The following FOLH1 variants were observed in gnomAD, a reference collection of about 807,000 sequenced individuals.
FOLH1 encodes glutamate carboxypeptidase 2.
Under a neutral mutation model 93.9 loss-of-function variants are expected in FOLH1, and 54 were observed. The observed-to-expected ratio is 0.57, with a 90% CI of 0.46 to 0.72. FOLH1 has a LOEUF of 0.72. FOLH1 is among the 30% of genes least tolerant of loss of function. FOLH1 has a pLI of 0.00. For synonymous variants in FOLH1, 249 were observed against 303.6 expected, an observed-to-expected ratio of 0.82 and a Z score of 1.87; for missense variants, 571 against 892.5, an observed-to-expected ratio of 0.64 and a Z score of 4.59.
At chr11:49,160,275 G>T (rs1406563072) in intron 13 of FOLH1, among the ~76,000 whole-genome samples, 1 of 151,802 alleles carries the variant, frequency 6.6e-6, no homozygotes. Flanking sequence ...CAAAAAATCA[G>T]CTCCTGGATT....
At chr11:49,194,851 C>T (rs1324297923) in intron 3 of FOLH1, among the ~76,000 whole-genome samples, 1 of 151,792 alleles carries the variant, frequency 6.6e-6, no homozygotes, top group Non-Finnish European at 1.5e-5. Flanking sequence ...GTCATTTCAT[C>T]AACAATTCTG....
At chr11:49,178,028 T>C (rs1208535883) in intron 7 of FOLH1, among the ~76,000 whole-genome samples, 2 of 151,304 alleles carry the variant, frequency 1.3e-5, no homozygotes, top group South Asian at 4.2e-4. Context: ...ATAGAGGGTC[T>C]ATCTTCCGTG....
chr11:49,202,419 A>C (rs1863357244), intron 2 of FOLH1, among the ~76,000 whole-genome samples: 2 of 151,562 alleles, frequency 1.3e-5, no homozygotes, highest in Middle Eastern at 6.8e-3. Context: ...TTTTTTTTGT[A>C]AGAGACAGAG....
chr11:49,179,719 A>G (rs1480890165), intron 7 of FOLH1, among the ~76,000 whole-genome samples: 1 of 152,220 alleles, frequency 6.6e-6, no homozygotes, highest in Non-Finnish European at 1.5e-5. Context: ...TAAACTCTAA[A>G]GCATAAGAAA....
intron 6 of FOLH1, 121 bp from the exon 7 acceptor site, chr11:49,183,363 T>G (rs1266970428): frequency 4.1e-6 from 3 of 739,634 alleles, no homozygotes; most frequent in Admixed American, 3.2e-5. Context: ...TAAAACAGAT[T>G]AACAATTCAA....
chr11:49,182,171 A>G (rs903754225), intron 7 of FOLH1, among the ~76,000 whole-genome samples: 4 of 151,892 alleles, frequency 2.6e-5, no homozygotes, highest in Admixed American at 6.6e-5. Flanking sequence ...TCTACTAAAA[A>G]TACAAAAATC....
At chr11:49,206,200 G>A (rs1292006428) in intron 1 of FOLH1, 28 bp from the exon 2 acceptor site, 2 of 1,610,030 alleles carry the variant, frequency 1.2e-6, no homozygotes, top group South Asian at 1.1e-5. Context: ...AAATAGGCAT[G>A]AGATACGAGC....
rs1858347709 is a variant in FOLH1 at position 49,165,985 on chromosome 11, C to T, written c.1373-1213G>A. 2.0e-5 allele frequency among the ~76,000 whole-genome samples: 3 copies of T among 152,150 alleles called. 1 individual carries two copies. The highest frequency in any genetic ancestry group is 2.0e-4 in the Admixed American group (3 of 15,276). ...AGACCAAATAAATATACTTGTAGCT[C>T]TCTACCCTCTCCTCACATTATACCA... On this transcript the variant is annotated intron_variant, in intron 12 of 18. Coordinates refer to ENST00000256999, the MANE Select transcript of FOLH1 (RefSeq NM_004476.3).
At chr11:49,163,253 T>C (rs1345700079) in intron 13 of FOLH1, among the ~76,000 whole-genome samples, 1 of 152,122 alleles carries the variant, frequency 6.6e-6, no homozygotes, top group Non-Finnish European at 1.5e-5. Flanking sequence ...CTAAAACCTC[T>C]GTTAGCCAGA....
chr11:49,186,718 C>A lies in FOLH1; in HGVS notation c.565G>T (p.Glu189Ter). The change falls in exon 5 of 19, where the codon GAA (glutamate) becomes TAA (stop). Residue 189 changes from glutamate (E) to a stop codon, truncating the protein, a stop_gained. Coordinates refer to ENST00000256999, the MANE Select transcript of FOLH1 (RefSeq NM_004476.3). LOFTEE classifies it high-confidence loss of function. ...GAGCAATTGATTTTCATGTCCCGTT[C>A]CAATTTAAAGAAGTCTTCAGTTCGT... ...YARTEDFFKL[E>*]RDMKINCSGK... 2 of 1,613,208 alleles carry A rather than the reference C, an allele frequency of 1.2e-6. No homozygotes were observed. Among genetic ancestry groups the A allele is most frequent in the Non-Finnish European group, 1.7e-6 (2 of 1,179,612 alleles).
chr11:49,154,053 TTTATA>T (rs1445785165), intron 16 of FOLH1, 126 bp from the exon 17 acceptor site: 6 of 1,320,130 alleles, frequency 4.5e-6, no homozygotes, highest in Admixed American at 5.1e-5. Context: ...TATTTATATT[TTTATA>T]TTATAAGACG....
chr11:49,162,307 G>T (rs1284043193), intron 13 of FOLH1, among the ~76,000 whole-genome samples: 2 of 151,994 alleles, frequency 1.3e-5, no homozygotes, highest in African/African-American at 4.8e-5. Context: ...ATATTTCTTG[G>T]TGGTTTTGTT....
At chr11:49,197,076 A>G (rs1195678639) in intron 3 of FOLH1, among the ~76,000 whole-genome samples, 2 of 152,178 alleles carry the variant, frequency 1.3e-5, no homozygotes, top group African/African-American at 4.8e-5. Flanking sequence ...TGTGATTCAC[A>G]TGAGAAATGA....
At chr11:49,205,482 A>T (rs553279005) in intron 2 of FOLH1, among the ~76,000 whole-genome samples, 1 of 152,268 alleles carries the variant, frequency 6.6e-6, no homozygotes. Context: ...AGAAAGGTTA[A>T]GTATTCATCC....
intron 2 of FOLH1, among the ~76,000 whole-genome samples, chr11:49,201,015 G>A (rs1246965311): frequency 6.6e-6 from 1 of 151,960 alleles, no homozygotes; most frequent in East Asian, 1.9e-4. Context: ...TAAAATCAAT[G>A]ACAATAATTA....
At chr11:49,202,200 C>T (rs564698145) in intron 2 of FOLH1, among the ~76,000 whole-genome samples, 3 of 152,144 alleles carry the variant, frequency 2.0e-5, no homozygotes, top group Non-Finnish European at 2.9e-5. Flanking sequence ...AATTAGATTG[C>T]GTATTAAATA....
intron 3 of FOLH1, among the ~76,000 whole-genome samples, chr11:49,194,132 CAAA>C (rs55656827): frequency 2.8e-5 from 2 of 71,572 alleles, no homozygotes; most frequent in Non-Finnish European, 2.6e-5. Context: ...GCCTGGGTGA[CAAA>C]AAAAAAAAAA....
At chr11:49,171,097 T>G in intron 11 of FOLH1, 98 bp downstream of exon 11, 3 of 1,315,020 alleles carry the variant, frequency 2.3e-6, no homozygotes, top group Non-Finnish European at 3.0e-6. Flanking sequence ...TTTGAATACT[T>G]TCTCATTATA....
chr11:49,208,482 C>T lies in FOLH1; in HGVS notation c.-73G>A. 1 of 1,029,130 alleles carries T rather than the reference C, an allele frequency of 9.7e-7. No homozygotes were observed. The highest frequency in any genetic ancestry group is 1.4e-6 in the Non-Finnish European group (1 of 697,728). The allele number at this position is 1,029,130 out of a possible 1,614,324, so 63.7% of individuals were successfully genotyped here. A position where few individuals can be genotyped will look rare whatever the true frequency, so the allele number is the denominator to read the frequency against. On this transcript the variant is annotated 5_prime_UTR_variant, in exon 1 of 19. Coordinates refer to ENST00000256999, the MANE Select transcript of FOLH1 (RefSeq NM_004476.3). ...GCTCTACTGCGCGCCCTCCAACCACCACGGCGGGGTAAAGTCTCTCTCAAT... is the reference window on the plus strand; with the variant it reads ...GCTCTACTGCGCGCCCTCCAACCACTACGGCGGGGTAAAGTCTCTCTCAAT...
Sources: gnomAD v4.1 joint callset for allele counts (sites outside exome capture counted in the v4.1 genomes callset) on GRCh38, gnomAD v4.1.1 for gene constraint, MANE v1.5 for transcripts, NCBI Gene and HGNC (gene_info 2026-07-23, HGNC 2026-07-21) for gene names.